Variants in CPA6 observed in about 807,000 individuals in gnomAD.
The protein encoded by CPA6 is carboxypeptidase A6, also known as carboxypeptidase B.
Under a neutral mutation model 63.3 loss-of-function variants are expected in CPA6, and 58 were observed. The ratio of observed to expected loss-of-function variants is 0.92; its 90% CI spans 0.74 to 1.14. CPA6 has a LOEUF of 1.14. Among genes scored for constraint, CPA6 ranks in the 50% most tolerant of loss-of-function variants. The pLI, the probability that CPA6 is intolerant of heterozygous loss-of-function variation, is 0.00. For missense variants in CPA6, 565 were observed against 526.6 expected (o/e 1.07, Z -0.71); for synonymous variants, 185 against 179.0 (o/e 1.03, Z -0.27).
intron 2 of CPA6, among the ~76,000 whole-genome samples, chr8:67,529,716 A>C (rs941264799): frequency 2.2e-4 from 34 of 152,200 alleles, no homozygotes; most frequent in Admixed American, 1.8e-3. Context: ...AAAGCCAGGG[A>C]TATACACTCC....
chr8:67,446,091 T>C (rs573156458), intron 8 of CPA6, among the ~76,000 whole-genome samples: 43 of 151,936 alleles, frequency 2.8e-4, no homozygotes, highest in South Asian at 4.2e-4. Flanking sequence ...CGTGAAACCC[T>C]GTCTCTACTA....
At chr8:67,709,087 T>C (rs193272921) in intron 1 of CPA6, among the ~76,000 whole-genome samples, 32 of 152,156 alleles carry the variant, frequency 2.1e-4, no homozygotes, top group Middle Eastern at 6.8e-3. Context: ...ATTTAACTGG[T>C]ATATAACCTT....
Position 67,444,742 on chromosome 8 carries a change from A to C in CPA6, c.839-10502T>G, listed in dbSNP as rs764078290. On this transcript the variant is annotated intron_variant, in intron 8 of 10. Coordinates refer to ENST00000297770, the MANE Select transcript of CPA6 (RefSeq NM_020361.5). ...AGGTTGCAGTGAGCCACTGCACCCC[A>C]CTCTGGGCAACAGAGCGAGACTCTG... Among the ~76,000 whole-genome samples the C allele has an allele frequency of 9.6e-4, 143 of 149,528 alleles. 1 individual carries two copies. The highest frequency in any genetic ancestry group is 2.0e-3 in the Admixed American group (30 of 14,866).
chr8:67,463,236 G>C (rs1031771337), intron 8 of CPA6, among the ~76,000 whole-genome samples: 7 of 152,064 alleles, frequency 4.6e-5, no homozygotes, highest in African/African-American at 1.7e-4. Flanking sequence ...TTGAGGTCAG[G>C]AGTTCGAGAC....
At chr8:67,444,137 A>G (rs895289139) in intron 8 of CPA6, among the ~76,000 whole-genome samples, 11 of 151,540 alleles carry the variant, frequency 7.3e-5, no homozygotes, top group East Asian at 2.0e-4. Flanking sequence ...GATTACAGGC[A>G]CCCGCCACCA....
intron 8 of CPA6, among the ~76,000 whole-genome samples, chr8:67,447,878 A>G (rs1374059652): frequency 6.6e-6 from 1 of 152,060 alleles, no homozygotes; most frequent in African/African-American, 2.4e-5. Flanking sequence ...ACTACCTCCC[A>G]GGTTCAAGCA....
chr8:67,430,063 G>C (rs1262958685), intron 9 of CPA6, among the ~76,000 whole-genome samples: 2 of 149,778 alleles, frequency 1.3e-5, no homozygotes, highest in African/African-American at 2.5e-5. Flanking sequence ...ACTGTATCCT[G>C]TTTCCAATTG....
chr8:67,486,020 C>A (rs748919945), intron 6 of CPA6, among the ~76,000 whole-genome samples: 4 of 152,144 alleles, frequency 2.6e-5, no homozygotes, highest in Admixed American at 1.3e-4. Context: ...ATTTTGAAAT[C>A]AAGGTTGAAC....
intron 2 of CPA6, 91 bp from the exon 3 acceptor site, chr8:67,518,138 T>G: frequency 8.2e-7 from 1 of 1,214,350 alleles, no homozygotes; most frequent in Non-Finnish European, 1.1e-6. Flanking sequence ...TGTTTGCATA[T>G]AGTAACACCA....
intron 3 of CPA6, among the ~76,000 whole-genome samples, chr8:67,513,190 T>C (rs1365525541): frequency 1.3e-5 from 2 of 152,218 alleles, no homozygotes; most frequent in Non-Finnish European, 2.9e-5. Flanking sequence ...GAACACCATC[T>C]GTATTAGTGC....
Position 67,719,239 on chromosome 8 carries a change from C to T in CPA6, c.116+26775G>A, listed in dbSNP as rs561819320. On this transcript the variant is annotated intron_variant, in intron 1 of 10. Coordinates refer to ENST00000297770, the MANE Select transcript of CPA6 (RefSeq NM_020361.5). ...AAGAGCATGCCAGGGGAGAGATGTCCCTGTGGGATTGTTTGGTCAATGGTA... is the reference window on the plus strand; with the variant it reads ...AAGAGCATGCCAGGGGAGAGATGTCTCTGTGGGATTGTTTGGTCAATGGTA... Among the ~76,000 whole-genome samples, 7 of 152,014 alleles carry T rather than the reference C, an allele frequency of 4.6e-5. No homozygotes were observed. The South Asian group carries it at 1.5e-3, about 32-fold the overall frequency.
At chr8:67,693,869 G>A (rs1313879595) in intron 1 of CPA6, among the ~76,000 whole-genome samples, 1 of 152,208 alleles carries the variant, frequency 6.6e-6, no homozygotes, top group African/African-American at 2.4e-5. Context: ...ACATTTGTGT[G>A]TCAGAGGGTG....
At chr8:67,580,309 C>G (rs1362397820) in intron 2 of CPA6, among the ~76,000 whole-genome samples, 1 of 152,128 alleles carries the variant, frequency 6.6e-6, no homozygotes, top group Non-Finnish European at 1.5e-5. Flanking sequence ...GGGTGGTTTC[C>G]CTAATCCTTC....
At chr8:67,593,402 C>T (rs1452222909) in intron 2 of CPA6, among the ~76,000 whole-genome samples, 21 of 152,150 alleles carry the variant, frequency 1.4e-4, no homozygotes, top group Admixed American at 3.3e-4. Context: ...CTATTAGGTC[C>T]GCTTGGTGCA....
intron 2 of CPA6, among the ~76,000 whole-genome samples, chr8:67,551,565 T>C (rs1332280589): frequency 6.6e-6 from 1 of 152,218 alleles, no homozygotes; most frequent in Admixed American, 6.5e-5. Flanking sequence ...AAAAATGACG[T>C]TGGCTGTTTG....
Position 67,438,079 on chromosome 8 carries a change from G to A in CPA6, c.839-3839C>T, listed in dbSNP as rs763223736. Among the ~76,000 whole-genome samples, 122 of 152,148 alleles carry A rather than the reference G, an allele frequency of 8.0e-4. 1 individual carries two copies. Among genetic ancestry groups the A allele is most frequent in the Admixed American group, 2.1e-3 (32 of 15,286 alleles). On this transcript the variant is annotated intron_variant, in intron 8 of 10. Coordinates refer to ENST00000297770, the MANE Select transcript of CPA6 (RefSeq NM_020361.5). Reference sequence around the variant, plus strand: ...TTACAGGCACCCTGCCACCACACCTGGCTAGTTTTTGTATTTTTAGTAGAG... The same window carrying A: ...TTACAGGCACCCTGCCACCACACCTAGCTAGTTTTTGTATTTTTAGTAGAG...
intron 6 of CPA6, among the ~76,000 whole-genome samples, chr8:67,490,313 C>T (rs1469561578): frequency 6.6e-6 from 1 of 152,118 alleles, no homozygotes; most frequent in Non-Finnish European, 1.5e-5. Flanking sequence ...GCAATCGATA[C>T]ATACCCTCCA....
intron 8 of CPA6, among the ~76,000 whole-genome samples, chr8:67,448,656 G>GAAAAAAAAAAAAAAAAAAAAAAAA (rs1810485855): frequency 1.5e-5 from 1 of 68,796 alleles, no homozygotes; most frequent in African/African-American, 8.9e-5. Context: ...AAAAAAAAAG[G>GAAAAAAAAAAAAAAAAAAAAAAAA]AAAGAACGAA....
At chr8:67,532,574 T>G (rs1812500674) in intron 2 of CPA6, among the ~76,000 whole-genome samples, 1 of 151,976 alleles carries the variant, frequency 6.6e-6, no homozygotes, top group Admixed American at 6.6e-5. Flanking sequence ...CCCAGCTACT[T>G]GGGAGGCTGA....
Sources: allele counts gnomAD v4.1 joint callset (sites outside exome capture counted in the v4.1 genomes callset), GRCh38; gene constraint gnomAD v4.1.1; transcripts MANE v1.5; gene names NCBI Gene and HGNC (gene_info 2026-07-23, HGNC 2026-07-21).